LMO7: variants seen among roughly 807,000 people sequenced by gnomAD.
The protein encoded by LMO7 is LIM domain only protein 7.
LMO7 carries 120 observed loss-of-function variants against 206.5 expected under a neutral mutation model. The observed-to-expected ratio is 0.58, with a 90% CI of 0.50 to 0.68. The LOEUF (loss-of-function observed/expected upper bound fraction) is 0.68, where lower values mean the gene tolerates loss of function less well. Among genes scored for constraint, LMO7 ranks in the 30% least tolerant of loss-of-function variants. The pLI is 0.00. For missense variants in LMO7, 1,959 were observed against 1,957.9 expected (o/e 1.00, Z -0.01); for synonymous variants, 706 against 681.5 (o/e 1.04, Z -0.56).
intron 3 of LMO7, among the ~76,000 whole-genome samples, chr13:75,737,191 A>G (rs2045897384): frequency 6.6e-6 from 1 of 152,178 alleles, no homozygotes; most frequent in African/African-American, 2.4e-5. Flanking sequence ...AAACACAGAC[A>G]CACAGGAAGA....
chr13:75,842,449 T>C (rs2059625867), intron 24 of LMO7, among the ~76,000 whole-genome samples: 1 of 152,058 alleles, frequency 6.6e-6, no homozygotes. Flanking sequence ...ATACCTGATT[T>C]AAAATACAGG....
chr13:75,643,963 G>A (rs1395269172), intron 1 of LMO7, among the ~76,000 whole-genome samples: 1 of 152,162 alleles, frequency 6.6e-6, no homozygotes, highest in East Asian at 1.9e-4. Flanking sequence ...CAAGCATAAT[G>A]GGGATTGTCA....
intron 4 of LMO7, among the ~76,000 whole-genome samples, chr13:75,776,262 T>C (rs141103305): frequency 1.4e-5 from 2 of 141,118 alleles, no homozygotes; most frequent in Admixed American, 1.5e-4. Context: ...TTGAAGTTAG[T>C]TCATTCATAA....
intron 4 of LMO7, among the ~76,000 whole-genome samples, chr13:75,765,718 G>C (rs559403431): frequency 2.6e-5 from 4 of 152,238 alleles, no homozygotes; most frequent in African/African-American, 9.6e-5. Flanking sequence ...ACGGTTGTGG[G>C]ATATGAGGCA....
At position 75,808,029 on chromosome 13, in the gene LMO7, G is replaced by T; in HGVS notation, c.1746G>T (p.Arg582=). 6.2e-7 allele frequency: 1 copy of T among 1,613,878 alleles called. No individual in the cohort carries two copies. The highest frequency in any genetic ancestry group is 8.5e-7 in the Non-Finnish European group (1 of 1,179,864). ...NSCRILVPSY[R]QKKDDMLTRK... ...GTAGAATATTAGTTCCTTCATATCG[G>T]CAGAAGAAAGATGACATGCTGACAC... Residue 582 remains arginine, a synonymous_variant, in exon 10 of 31, where the codon CGG becomes CGT. Transcript: ENST00000377534.
In LMO7 at chr13:75,684,824, T is replaced by TAC. The variant is rs2040845514; in HGVS notation, c.70-28357_70-28356insCA. On this transcript the variant is annotated intron_variant, in intron 1 of 30. Transcript: ENST00000377534. The stretch of plus-strand genomic sequence containing the variant: ...GTGTGTGTGTATATGTATATACATA[T>TAC]ATACACACACGCACATACACACACA... Among the ~76,000 whole-genome samples the TAC allele has an allele frequency of 3.6e-5, 5 of 140,534 alleles. No homozygotes were observed. The South Asian group carries it at 1.1e-3, about 32-fold the overall frequency. The allele number at this position is 140,534 out of a possible 152,430, so 92.2% of individuals were successfully genotyped here.
At chr13:75,781,096 C>CTTTTTTTTTTTTTTTTTTTTTTTT (rs367937964) in intron 4 of LMO7, among the ~76,000 whole-genome samples, 11 of 41,920 alleles carry the variant, frequency 2.6e-4, no homozygotes, top group African/African-American at 3.4e-4. Flanking sequence ...CTCTATTTTC[C>CTTTTTTTTTTTTTTTTTTTTTTTT]TTTTTTTTTT....
At chr13:75,796,087 T>C (rs187226464) in intron 5 of LMO7, among the ~76,000 whole-genome samples, 76 of 152,312 alleles carry the variant, frequency 5.0e-4, no homozygotes, top group Admixed American at 2.2e-3. Context: ...CATTTTAAGA[T>C]TTTTATAGGA....
intron 12 of LMO7, among the ~76,000 whole-genome samples, chr13:75,817,574 G>A (rs912981398): frequency 2.6e-5 from 4 of 152,010 alleles, no homozygotes; most frequent in African/African-American, 9.7e-5. Flanking sequence ...TTGTTTTGGT[G>A]GTTGAATTTG....
intron 4 of LMO7, among the ~76,000 whole-genome samples, chr13:75,785,020 A>G (rs186699836): frequency 6.6e-6 from 1 of 152,102 alleles, no homozygotes; most frequent in African/African-American, 2.4e-5. Flanking sequence ...GAAATTCTGT[A>G]GTGTGTTGTA....
chr13:75,821,515 G>A lies in LMO7; in HGVS notation c.2546G>A (p.Arg849Gln), dbSNP rs370102429. The change falls in exon 14 of 31, where the codon CGG (arginine) becomes CAG (glutamine). Residue 849 changes from arginine to glutamine, a missense_variant. Arg to Gln is a conservative substitution (Grantham distance 43). Transcript: ENST00000377534. Reference protein sequence around the residue: ...RVSASLPRSYRKTDTVRLTSV... With the variant: ...RVSASLPRSYQKTDTVRLTSV... ...TCAGCTTCTCTCCCCAGAAGTTACC[G>A]GAAAACTGATACAGTCAGGTTAACA... The A allele has an allele frequency of 5.6e-5, 90 of 1,613,972 alleles. No homozygotes were observed. Among genetic ancestry groups the A allele is most frequent in the African/African-American group, 1.5e-4 (11 of 75,002 alleles).
At chr13:75,853,058 C>T in intron 27 of LMO7, 34 bp from the exon 28 acceptor site, 1 of 1,501,090 alleles carries the variant, frequency 6.7e-7, no homozygotes, top group East Asian at 2.3e-5. Context: ...TTGAACATGT[C>T]ACATTATTTT....
intron 3 of LMO7, among the ~76,000 whole-genome samples, chr13:75,737,767 T>TAAG (rs2045989367): frequency 8.5e-5 from 1 of 11,746 alleles, no homozygotes; most frequent in African/African-American, 4.6e-4. Flanking sequence ...AAAAAAAAAA[T>TAAG]AAAATAAAAT....
intron 7 of LMO7, among the ~76,000 whole-genome samples, chr13:75,802,516 A>G (rs1379472540): frequency 6.6e-6 from 1 of 152,226 alleles, no homozygotes; most frequent in Non-Finnish European, 1.5e-5. Context: ...GATAGAGGGC[A>G]TGTGGGAATA....
intron 3 of LMO7, among the ~76,000 whole-genome samples, chr13:75,747,126 G>T (rs1388190718): frequency 6.6e-6 from 1 of 151,914 alleles, no homozygotes; most frequent in African/African-American, 2.4e-5. Context: ...TATTTATCAG[G>T]GATAAATTTC....
At chr13:75,770,279 T>C (rs1454047566) in intron 4 of LMO7, among the ~76,000 whole-genome samples, 2 of 151,780 alleles carry the variant, frequency 1.3e-5, no homozygotes, top group Admixed American at 6.6e-5. Flanking sequence ...TATTAAGAAA[T>C]AGAGCTTTTT....
chr13:75,795,635 GA>G (rs1479940957), intron 5 of LMO7, among the ~76,000 whole-genome samples: 1 of 152,220 alleles, frequency 6.6e-6, no homozygotes, highest in Non-Finnish European at 1.5e-5. Flanking sequence ...TTATAAGGGA[GA>G]ACGTGTGGTA....
chr13:75,740,264 C>T (rs1017729436), intron 3 of LMO7, among the ~76,000 whole-genome samples: 19 of 152,122 alleles, frequency 1.2e-4, no homozygotes, highest in African/African-American at 4.1e-4. Context: ...GCAAGACAGA[C>T]ATTTGTGAGT....
At chr13:75,690,286 C>T (rs937659344) in intron 1 of LMO7, among the ~76,000 whole-genome samples, 3 of 152,008 alleles carry the variant, frequency 2.0e-5, no homozygotes, top group African/African-American at 7.3e-5. Context: ...TGGATGATCA[C>T]AGTGATCTTT....
Sources: gnomAD v4.1 joint callset for allele counts (sites outside exome capture counted in the v4.1 genomes callset) on GRCh38, gnomAD v4.1.1 for gene constraint, MANE v1.5 for transcripts, NCBI Gene and HGNC (gene_info 2026-07-23, HGNC 2026-07-21) for gene names.